Variants in CA2 observed in about 807,000 individuals in gnomAD.
CA2 encodes carbonic anhydrase 2.
A neutral mutation model predicts 27.8 loss-of-function variants in CA2; 23 were observed. That is an observed-to-expected ratio of 0.83 (90% CI 0.59 to 1.17). The LOEUF (loss-of-function observed/expected upper bound fraction) is 1.17, where lower values mean the gene tolerates loss of function less well. Among genes scored for constraint, CA2 ranks in the 50% most tolerant of loss-of-function variants. The probability of loss-of-function intolerance (pLI) is 0.00; values close to 1 mark genes in which losing one functional copy is unlikely to be tolerated. For missense variants in CA2, 300 were observed against 314.7 expected (o/e 0.95, Z 0.35); for synonymous variants, 99 against 114.9 (o/e 0.86, Z 0.88).
intron 2 of CA2, among the ~76,000 whole-genome samples, chr8:85,466,715 T>C (rs1811637172): frequency 6.6e-6 from 1 of 151,570 alleles, no homozygotes; most frequent in African/African-American, 2.4e-5. Flanking sequence ...CTTACAATCA[T>C]ACTCACACTT....
At chr8:85,480,502 C>G (rs1811872723) in intron 6 of CA2, among the ~76,000 whole-genome samples, 168 bp from the exon 7 acceptor site, 1 of 151,116 alleles carries the variant, frequency 6.6e-6, no homozygotes, top group African/African-American at 2.4e-5. Flanking sequence ...TCTCGAATTG[C>G]TGACCTCAAG....
At chr8:85,479,876 GT>G in intron 6 of CA2, among the ~76,000 whole-genome samples, 1 of 152,268 alleles carries the variant, frequency 6.6e-6, no homozygotes, top group East Asian at 1.9e-4. Flanking sequence ...TCATTTCCGT[GT>G]TTTTGTGTAT....
intron 2 of CA2, among the ~76,000 whole-genome samples, chr8:85,468,933 A>T (rs1288751182): frequency 6.6e-6 from 1 of 152,152 alleles, no homozygotes; most frequent in African/African-American, 2.4e-5. Context: ...ACATGAAGAA[A>T]CAGAAGCTGA....
intron 5 of CA2, among the ~76,000 whole-genome samples, 166 bp from the exon 6 acceptor site, chr8:85,476,954 C>G (rs955100133): frequency 6.7e-6 from 1 of 149,736 alleles, no homozygotes; most frequent in Non-Finnish European, 1.5e-5. Context: ...TGAATGTCTT[C>G]TGTTAATTTC....
At chr8:85,473,557 A>C in intron 2 of CA2, 136 bp from the exon 3 acceptor site, 1 of 700,088 alleles carries the variant, frequency 1.4e-6, no homozygotes, top group African/African-American at 1.8e-5. Flanking sequence ...AACATTTAGT[A>C]CTGTAAAACA....
intron 2 of CA2, among the ~76,000 whole-genome samples, chr8:85,470,713 G>A (rs886766953): frequency 2.6e-5 from 4 of 151,858 alleles, no homozygotes; most frequent in Non-Finnish European, 5.9e-5. Flanking sequence ...CTTAGTGCTT[G>A]TTTTGTGTTA....
At chr8:85,471,413 G>C (rs1056246044) in intron 2 of CA2, among the ~76,000 whole-genome samples, 3 of 151,304 alleles carry the variant, frequency 2.0e-5, no homozygotes, top group Admixed American at 2.0e-4. Flanking sequence ...TTAGCTGTTA[G>C]CAAGTATTGT....
At chr8:85,477,461 A>C (rs1017612684) in intron 6 of CA2, among the ~76,000 whole-genome samples, 186 bp downstream of exon 6, 1 of 152,154 alleles carries the variant, frequency 6.6e-6, no homozygotes, top group African/African-American at 2.4e-5. Context: ...GTTATTAACT[A>C]TAAACTTAGT....
At chr8:85,471,459 A>T (rs917648517) in intron 2 of CA2, among the ~76,000 whole-genome samples, 2 of 152,078 alleles carry the variant, frequency 1.3e-5, no homozygotes, top group Non-Finnish European at 2.9e-5. Flanking sequence ...GCCTAATTCT[A>T]AATGTTTTTA....
chr8:85,471,077 G>C (rs1393024913), intron 2 of CA2, among the ~76,000 whole-genome samples: 2 of 152,078 alleles, frequency 1.3e-5, no homozygotes, highest in African/African-American at 2.4e-5. Context: ...CCAGAATATA[G>C]CATAAAGTCC....
rs1172227189 is a variant in CA2, at chr8:85,480,544, A to G, written c.664-126A>G. 5.5e-6 allele frequency: 5 copies of G among 907,218 alleles called. No individual in the cohort carries two copies. The Admixed American group carries it at 1.0e-4, about 18-fold the overall frequency. 56.2% of individuals were successfully genotyped at this position (907,218 alleles called of 1,614,324 possible). A position where few individuals can be genotyped will look rare whatever the true frequency, so the allele number is the denominator to read the frequency against. ...ACCCGCCTCATGCCTCAGCCTTACA[A>G]AGTGCTGGGATTACAGGCATGAGCC... On this transcript the variant is annotated intron_variant, in intron 6 of 6. Coordinates refer to ENST00000285379, the MANE Select transcript of CA2 (RefSeq NM_000067.3).
rs1443318142 is a variant in CA2 at position 85,480,722 on chromosome 8, T to G, written c.716T>G (p.Leu239Arg). The change falls in exon 7 of 7, where the codon CTG (leucine) becomes CGG (arginine). Residue 239 changes from leucine (L) to arginine (R), a missense_variant. Transcript: ENST00000285379. ...AATGGGGAGGGTGAACCCGAAGAAC[T>G]GATGGTGGACAACTGGCGCCCAGCT... ...NFNGEGEPEE[L>R]MVDNWRPAQP... 6.2e-7 allele frequency: 1 copy of G among 1,613,938 alleles called. No homozygotes were observed. The highest frequency in any genetic ancestry group is 1.1e-5 in the South Asian group (1 of 91,088).
In CA2 at chr8:85,480,711, AC is replaced by A; in HGVS notation, c.708del (p.Glu237LysfsTer3). 1 of 1,613,798 alleles carries A rather than the reference AC, an allele frequency of 6.2e-7. No individual in the cohort carries two copies. ...AACTTAACTTCAATGGGGAGGGTGA[AC>A]CCGAAGAACTGATGGTGGACAACTG... ...RKLNFNGEGE[P>X]EELMVDNWRP... On this transcript the variant is annotated frameshift_variant, in exon 7 of 7. Coordinates refer to ENST00000285379, the MANE Select transcript of CA2 (RefSeq NM_000067.3). LOFTEE classifies it high-confidence loss of function.
At chr8:85,473,306 T>G in intron 2 of CA2, 1 of 411,756 alleles carries the variant, frequency 2.4e-6, no homozygotes, top group African/African-American at 2.1e-5. Flanking sequence ...GCATGGGCAC[T>G]TCCTAAATGT....
chr8:85,465,229 C>G, intron 1 of CA2, 43 bp from the exon 2 acceptor site: 2 of 1,505,368 alleles, frequency 1.3e-6, no homozygotes, highest in Non-Finnish European at 1.8e-6. Context: ...TCTGGGTGTA[C>G]CTTTCCCCAC....
At chr8:85,476,025 T>C (rs2130562301) in intron 5 of CA2, among the ~76,000 whole-genome samples, 165 bp downstream of exon 5, 1 of 152,334 alleles carries the variant, frequency 6.6e-6, no homozygotes, top group African/African-American at 2.4e-5. Flanking sequence ...AACGTTTCTT[T>C]CAACAAAGTT....
At position 85,480,909 on chromosome 8, in the gene CA2, A is replaced by G. The variant is rs1586018916; in HGVS notation, c.*120A>G. 1.0e-6 allele frequency: 1 copy of G among 976,932 alleles called. No homozygotes were observed. The highest frequency in any genetic ancestry group is 2.6e-5 in the East Asian group (1 of 38,888). 60.5% of individuals were successfully genotyped at this position (976,932 alleles called of 1,614,324 possible). Reference sequence around the variant, plus strand: ...TTGTGTCTAGTTTTCTAGACCCTTCATCTCTTACTTGATAGACTTACTAAT... The same window carrying G: ...TTGTGTCTAGTTTTCTAGACCCTTCGTCTCTTACTTGATAGACTTACTAAT... On this transcript the variant is annotated 3_prime_UTR_variant, in exon 7 of 7. Transcript: ENST00000285379.
intron 6 of CA2, among the ~76,000 whole-genome samples, chr8:85,479,637 G>A (rs1382514437): frequency 6.6e-6 from 1 of 152,020 alleles, no homozygotes; most frequent in African/African-American, 2.4e-5. Flanking sequence ...TCTCAGTGGT[G>A]GCCAGTAAAC....
At position 85,481,309 on chromosome 8, in the gene CA2, A is replaced by C. The variant is rs1811887621; in HGVS notation, c.*520A>C. On this transcript the variant is annotated 3_prime_UTR_variant, in exon 7 of 7. Transcript: ENST00000285379. ...ATTATTATATATTTATAGCAAAGTT[A>C]TCTTAAATATGAATTCTGTTGTAAT... 6.5e-6 allele frequency: 1 copy of C among 154,230 alleles called. No individual in the cohort carries two copies. Among genetic ancestry groups the C allele is most frequent in the South Asian group, 2.0e-4 (1 of 4,978 alleles). 9.6% of individuals were successfully genotyped at this position (154,230 alleles called of 1,614,324 possible). A position where few individuals can be genotyped will look rare whatever the true frequency, so the allele number is the denominator to read the frequency against.
Sources: allele counts gnomAD v4.1 joint callset (sites outside exome capture counted in the v4.1 genomes callset), GRCh38; gene constraint gnomAD v4.1.1; transcripts MANE v1.5; gene names NCBI Gene and HGNC (gene_info 2026-07-23, HGNC 2026-07-21).